The following ADAM23 variants were observed in gnomAD, a reference collection of about 807,000 sequenced individuals.
ADAM23 encodes the protein ADAM metallopeptidase domain 23.
In ADAM23, 33 loss-of-function variants were observed where a neutral mutation model predicts 120.1. That is an observed-to-expected ratio of 0.27 (90% confidence interval 0.21 to 0.37). ADAM23 has a LOEUF of 0.37. Among genes scored for constraint, ADAM23 ranks in the 10% least tolerant of loss-of-function variants. ADAM23 has a pLI of 1.00. For missense variants in ADAM23, 862 were observed against 1,058.2 expected, an observed-to-expected ratio of 0.81 and a Z score of 2.57; for synonymous variants, 367 against 375.2, an observed-to-expected ratio of 0.98 and a Z score of 0.25.
intron 22 of ADAM23, among the ~76,000 whole-genome samples, chr2:206,593,893 T>G (rs2105850393): frequency 6.6e-6 from 1 of 151,836 alleles, no homozygotes; most frequent in Non-Finnish European, 1.5e-5. Context: ...ATATATGTGG[T>G]CTGTCATTGA....
rs182273481 is a variant in ADAM23 at position 206,580,987 on chromosome 2, C to G, written c.1738-6338C>G. Among the ~76,000 whole-genome samples the G allele has an allele frequency of 2.7e-3, 415 of 152,216 alleles. 1 individual carries two copies. Among genetic ancestry groups the G allele is most frequent in the African/African-American group, 9.1e-3 (376 of 41,536 alleles). The stretch of plus-strand genomic sequence containing the variant: ...AATTTATCCATCCCTTCTAGATTTT[C>G]TAGTGTATGTGTGTAAAGGTGTTCA... On this transcript the variant is annotated intron_variant, in intron 18 of 25. Coordinates refer to ENST00000264377, the MANE Select transcript of ADAM23 (RefSeq NM_003812.4).
chr2:206,542,401 C>A (rs1697309980), intron 5 of ADAM23, among the ~76,000 whole-genome samples: 1 of 152,150 alleles, frequency 6.6e-6, no homozygotes, highest in South Asian at 2.1e-4. Flanking sequence ...TGTGGAGTGG[C>A]AAAACCTAGT....
At chr2:206,523,263 A>G (rs1207754527) in intron 3 of ADAM23, among the ~76,000 whole-genome samples, 1 of 151,520 alleles carries the variant, frequency 6.6e-6, no homozygotes. Context: ...TTCCACTGCA[A>G]TCTCTCATAT....
intron 25 of ADAM23, among the ~76,000 whole-genome samples, chr2:206,614,542 C>T (rs1427120068): frequency 1.3e-5 from 2 of 152,100 alleles, no homozygotes; most frequent in Non-Finnish European, 1.5e-5. Context: ...GTAATCCCAG[C>T]TACTCGGGAG....
intron 3 of ADAM23, among the ~76,000 whole-genome samples, chr2:206,504,397 A>G (rs1574501870): frequency 2.0e-5 from 3 of 152,240 alleles, no homozygotes; most frequent in East Asian, 3.9e-4. Context: ...TGTTAGAGCC[A>G]GAATAAGAAA....
At chr2:206,532,154 T>G (rs1258565213) in intron 4 of ADAM23, among the ~76,000 whole-genome samples, 1 of 152,102 alleles carries the variant, frequency 6.6e-6, no homozygotes, top group Non-Finnish European at 1.5e-5. Context: ...CTTCCTGGCA[T>G]TTGTACAAAC....
chr2:206,495,847 A>G (rs1361028036), intron 3 of ADAM23, among the ~76,000 whole-genome samples: 1 of 152,216 alleles, frequency 6.6e-6, no homozygotes, highest in East Asian at 1.9e-4. Context: ...CAGGGGTTGC[A>G]ATCCTAGTCT....
chr2:206,463,308 AC>A (rs1695465091), intron 2 of ADAM23, among the ~76,000 whole-genome samples: 2 of 152,212 alleles, frequency 1.3e-5, no homozygotes, highest in East Asian at 3.9e-4. Flanking sequence ...AATGTTGGAA[AC>A]AGAGGTTTGA....
chr2:206,490,555 A>C (rs997673260), intron 3 of ADAM23, among the ~76,000 whole-genome samples: 7 of 152,232 alleles, frequency 4.6e-5, no homozygotes, highest in African/African-American at 1.4e-4. Context: ...CTTAAGAGGC[A>C]GGTATCCCCA....
intron 2 of ADAM23, among the ~76,000 whole-genome samples, chr2:206,461,488 A>G (rs1695418250): frequency 6.6e-6 from 1 of 152,214 alleles, no homozygotes; most frequent in Admixed American, 6.5e-5. Flanking sequence ...TAAGACACTT[A>G]TATCTAGATT....
In ADAM23 at chr2:206,595,039, G is replaced by A. The variant is rs1334023261; in HGVS notation, c.2247+134G>A. On this transcript the variant is annotated intron_variant, in intron 23 of 25. Coordinates refer to ENST00000264377, the MANE Select transcript of ADAM23 (RefSeq NM_003812.4). Reference sequence around the variant, plus strand: ...CTACTAAAAATGCAAAAAATAGCTGGGCGTGGTGGTGGGCACCTGTAGTCC... The same window carrying A: ...CTACTAAAAATGCAAAAAATAGCTGAGCGTGGTGGTGGGCACCTGTAGTCC... The A allele has an allele frequency of 2.6e-6, 3 of 1,168,046 alleles. No individual in the cohort carries two copies. The African/African-American group carries it at 4.6e-5, about 18-fold the overall frequency. 72.4% of individuals were successfully genotyped at this position (1,168,046 alleles called of 1,614,324 possible).
intron 12 of ADAM23, 121 bp downstream of exon 12, chr2:206,561,333 T>A: frequency 1.2e-6 from 1 of 809,096 alleles, no homozygotes; most frequent in Non-Finnish European, 2.0e-6. Flanking sequence ...CATGAGTGGC[T>A]TATGTTATTA....
intron 2 of ADAM23, among the ~76,000 whole-genome samples, chr2:206,470,760 G>C (rs944566521): frequency 6.6e-6 from 1 of 152,206 alleles, no homozygotes; most frequent in Non-Finnish European, 1.5e-5. Flanking sequence ...CATAGTCGTA[G>C]ATGAGGTCAG....
At chr2:206,563,963 C>A (rs1697825074) in intron 13 of ADAM23, among the ~76,000 whole-genome samples, 1 of 152,052 alleles carries the variant, frequency 6.6e-6, no homozygotes, top group African/African-American at 2.4e-5. Flanking sequence ...ATCTCCTGAC[C>A]TCATGATCTG....
In ADAM23 at chr2:206,493,859, A is replaced by G. The variant is rs1163893022; in HGVS notation, c.509+12551A>G. ...TTGCCCAAGTGAGTTCACACATCCA[A>G]TAAATCAGACTAAACTACATGTGAC... On this transcript the variant is annotated intron_variant, in intron 3 of 25. Transcript: ENST00000264377. 3.9e-5 allele frequency among the ~76,000 whole-genome samples: 6 copies of G among 152,330 alleles called. No individual in the cohort carries two copies. In the East Asian group the frequency reaches 5.8e-4, roughly 15 times the overall value.
intron 17 of ADAM23, 54 bp downstream of exon 17, chr2:206,571,870 C>G (rs1329445747): frequency 1.3e-6 from 2 of 1,486,850 alleles, no homozygotes; most frequent in East Asian, 2.3e-5. Flanking sequence ...AGCCAGATAT[C>G]TCAGTGTGTA....
chr2:206,610,038 G>A (rs773397234), intron 25 of ADAM23, 38 bp downstream of exon 25: 14 of 1,490,626 alleles, frequency 9.4e-6, no homozygotes, highest in Admixed American at 2.9e-5. Context: ...AGTGGCTCTG[G>A]CATTTCTCTT....
intron 2 of ADAM23, among the ~76,000 whole-genome samples, chr2:206,470,006 A>G (rs1268181016): frequency 6.6e-6 from 1 of 152,088 alleles, no homozygotes; most frequent in Non-Finnish European, 1.5e-5. Flanking sequence ...GTCTACTTTA[A>G]TCTTTTTACC....
chr2:206,559,832 G>A, intron 10 of ADAM23, 123 bp from the exon 11 acceptor site: 1 of 743,792 alleles, frequency 1.3e-6, no homozygotes, highest in South Asian at 2.3e-5. Flanking sequence ...TCTATAATGG[G>A]CTAATTATGA....
Sources: gnomAD v4.1 joint callset for allele counts (sites outside exome capture counted in the v4.1 genomes callset) on GRCh38, gnomAD v4.1.1 for gene constraint, MANE v1.5 for transcripts, NCBI Gene and HGNC (gene_info 2026-07-23, HGNC 2026-07-21) for gene names.